Variants in RNF128 observed in about 807,000 individuals in gnomAD.
RNF128 encodes the protein E3 ubiquitin-protein ligase RNF128.
Under a neutral mutation model 26.2 loss-of-function variants are expected in RNF128, and 13 were observed. The observed-to-expected ratio is 0.50, with a 90% CI of 0.32 to 0.79. The LOEUF (loss-of-function observed/expected upper bound fraction) is 0.79, where lower values mean the gene tolerates loss of function less well. Among genes scored for constraint, RNF128 ranks in the 30% least tolerant of loss-of-function variants. The pLI, the probability that RNF128 is intolerant of heterozygous loss-of-function variation, is 0.03. For synonymous variants in RNF128, 149 were observed against 142.5 expected (o/e 1.05, Z -0.32); for missense variants, 315 against 349.7 (o/e 0.90, Z 0.79).
chrX:106,715,906 T>G (rs1320167954), intron 1 of RNF128, among the ~76,000 whole-genome samples: 1 of 111,397 alleles, frequency 9.0e-6, no homozygotes, highest in Non-Finnish European at 1.9e-5. Context: ...AAGCCTACAA[T>G]GACAGTCCAC....
rs780668011 is a variant in RNF128 at position 106,694,297 on chromosome X, A to G, written c.295A>G (p.Asn99Asp). Reference sequence around the variant, plus strand: ...CTGGATTGCGCTGATAGAAAGAGGTAATTGTACATTTTCAGAAAAAATTCA... The same window carrying G: ...CTGGATTGCGCTGATAGAAAGAGGTGATTGTACATTTTCAGAAAAAATTCA... Residue 99 changes from asparagine (N) to aspartate (D), a missense_variant, in exon 1 of 7, where the codon AAT (asparagine) becomes GAT (aspartate). Physicochemically the swap from Asn to Asp is conservative, Grantham distance 23 (BLOSUM62 1). Coordinates refer to the RNF128 transcript ENST00000324342. 2.0e-5 allele frequency: 24 copies of G among 1,208,538 alleles called. No homozygotes were observed. In the South Asian group the frequency reaches 3.0e-4, roughly 15 times the overall value.
At chrX:106,765,759 C>T (rs1028274530) in intron 1 of RNF128, among the ~76,000 whole-genome samples, 6 of 111,005 alleles carry the variant, frequency 5.4e-5, no homozygotes, top group Admixed American at 1.9e-4. Flanking sequence ...GCTACATGTG[C>T]ACAACATGCA....
intron 1 of RNF128, among the ~76,000 whole-genome samples, chrX:106,771,805 C>T (rs1322598102): frequency 4.4e-5 from 5 of 112,578 alleles, no homozygotes; most frequent in East Asian, 5.6e-4. Context: ...AGAAATCACC[C>T]GTCTTCTGCA....
intron 1 of RNF128, among the ~76,000 whole-genome samples, chrX:106,754,173 A>G (rs1929951764): frequency 8.9e-6 from 1 of 111,959 alleles, no homozygotes; most frequent in African/African-American, 3.2e-5. Flanking sequence ...CACGTGGATC[A>G]TTCTCAAGGA....
rs906589271 is a variant in RNF128, at chrX:106,748,382, C to G, written c.484+20985C>G. ...AAGCAAAACTCAGCAACATAAACAA[C>G]ATAGATTCAGTGATATGGTTTCTGT... On this transcript the variant is annotated intron_variant, in intron 1 of 6. Transcript: ENST00000255499. Among the ~76,000 whole-genome samples the G allele has an allele frequency of 1.8e-4, 20 of 112,121 alleles. 1 individual carries two copies. In the Admixed American group the frequency reaches 1.9e-3, roughly 11 times the overall value.
rs758542218 is a variant in RNF128 at position 106,785,095 on chromosome X, A to T, written c.763A>T (p.Ile255Phe). 8.4e-7 allele frequency: 1 copy of T among 1,189,970 alleles called. No individual in the cohort carries two copies. The highest frequency in any genetic ancestry group is 3.0e-5 in the East Asian group (1 of 33,394). The change falls in exon 3 of 7, where the codon ATT becomes TTT. Residue 255 changes from isoleucine to phenylalanine, a missense_variant. Ile to Phe is a conservative substitution (Grantham distance 21). Transcript: ENST00000255499. Reference protein sequence around the residue: ...RQLKADAKKAIGRLQLRTLKQ... With the variant: ...RQLKADAKKAFGRLQLRTLKQ... ...ATTAAAGGCAGATGCTAAAAAAGCT[A>T]TTGGAAGGCTTCAACTACGCACACT... is the stretch of plus-strand genomic sequence containing the variant.
chrX:106,784,353 C>T (rs1196834572), intron 2 of RNF128, among the ~76,000 whole-genome samples: 2 of 111,540 alleles, frequency 1.8e-5, no homozygotes, highest in Non-Finnish European at 1.9e-5. Context: ...AACTTCACTT[C>T]TGACTCAATT....
At chrX:106,768,491 G>A (rs1930296925) in intron 1 of RNF128, among the ~76,000 whole-genome samples, 1 of 111,926 alleles carries the variant, frequency 8.9e-6, no homozygotes, top group Non-Finnish European at 1.9e-5. Flanking sequence ...AGATTTTCTA[G>A]TTTATTTGCG....
At chrX:106,768,197 C>T (rs1169549657) in intron 1 of RNF128, among the ~76,000 whole-genome samples, 1 of 111,513 alleles carries the variant, frequency 9.0e-6, no homozygotes, top group African/African-American at 3.3e-5. Context: ...TTCTCTCTGC[C>T]AGGCTTTGGT....
chrX:106,720,302 A>G (rs1037802052), intron 1 of RNF128, among the ~76,000 whole-genome samples: 1 of 111,672 alleles, frequency 9.0e-6, no homozygotes, highest in Non-Finnish European at 1.9e-5. Context: ...AGTAGCAATC[A>G]AGTGCATACA....
At chrX:106,694,332 CAGA>C (rs779891340) in exon 1 of RNF128, 2 of 1,208,994 alleles carry the variant, frequency 1.7e-6, no homozygotes, top group Admixed American at 4.4e-5. Context: ...AAACAGCGGG[CAGA>C]AGAAATGCTG....
chrX:106,780,644 T>C (rs1930549468), intron 2 of RNF128, among the ~76,000 whole-genome samples: 1 of 112,244 alleles, frequency 8.9e-6, no homozygotes, highest in Admixed American at 9.5e-5. Flanking sequence ...AATTTTAAGA[T>C]TGGATAATTG....
chrX:106,779,219 C>T (rs1930521622), intron 2 of RNF128, among the ~76,000 whole-genome samples: 1 of 110,893 alleles, frequency 9.0e-6, no homozygotes, highest in South Asian at 3.8e-4. Context: ...AATTCTTTTT[C>T]CAGCTTTATT....
chrX:106,789,405 A>G (rs59213928), intron 4 of RNF128, among the ~76,000 whole-genome samples: 1 of 44,123 alleles, frequency 2.3e-5, no homozygotes, highest in South Asian at 1.0e-3. Context: ...ACATTATATA[A>G]TATATATACT....
intron 1 of RNF128, among the ~76,000 whole-genome samples, chrX:106,708,545 G>A (rs940564178): frequency 6.2e-5 from 7 of 112,273 alleles, no homozygotes; most frequent in Non-Finnish European, 9.4e-5. Context: ...AGTTTAAAAT[G>A]TGGGGTTAGC....
intron 1 of RNF128, among the ~76,000 whole-genome samples, chrX:106,771,192 A>T (rs1930363314): frequency 8.9e-6 from 1 of 112,614 alleles, no homozygotes; most frequent in Non-Finnish European, 1.9e-5. Context: ...TAGTTAGGCT[A>T]CTGAGGGGTC....
At chrX:106,719,195 G>A (rs1289666389) in intron 1 of RNF128, among the ~76,000 whole-genome samples, 2 of 102,346 alleles carry the variant, frequency 2.0e-5, no homozygotes, top group African/African-American at 7.2e-5. Flanking sequence ...CCCATTGCCT[G>A]TAGATTAAAA....
chrX:106,790,304 A>G (rs371986353), intron 5 of RNF128, 22 bp downstream of exon 5: 141 of 1,011,139 alleles, frequency 1.4e-4, no homozygotes, highest in Non-Finnish European at 1.9e-4. Flanking sequence ...TATGTTATTT[A>G]TATGAAGAAT....
At chrX:106,698,355 C>T (rs763023453) in intron 1 of RNF128, among the ~76,000 whole-genome samples, 3 of 110,391 alleles carry the variant, frequency 2.7e-5, no homozygotes, top group East Asian at 5.7e-4. Flanking sequence ...GTCAAGTGTG[C>T]GGCATTCAGA....
Sources: allele counts gnomAD v4.1 joint callset (sites outside exome capture counted in the v4.1 genomes callset), GRCh38; gene constraint gnomAD v4.1.1; transcripts MANE v1.5; gene names NCBI Gene and HGNC (gene_info 2026-07-23, HGNC 2026-07-21).